USP25: variants seen among roughly 807,000 people sequenced by gnomAD.
USP25 encodes ubiquitin specific peptidase 25, also known as ubiquitin carboxyl-terminal hydrolase 25.
In USP25, 85 loss-of-function variants were observed where a neutral mutation model predicts 158.5. That is an observed-to-expected ratio of 0.54 (90% CI 0.45 to 0.64). The LOEUF (loss-of-function observed/expected upper bound fraction) is 0.64, where lower values mean the gene tolerates loss of function less well. USP25 is among the 30% of genes least tolerant of loss of function. USP25 has a pLI of 0.00. For synonymous variants in USP25, 464 were observed against 460.4 expected, an observed-to-expected ratio of 1.01 and a Z score of -0.10; for missense variants, 1,242 against 1,327.3, an observed-to-expected ratio of 0.94 and a Z score of 1.00.
chr21:15,815,735 G>T (rs1453219697), intron 9 of USP25, among the ~76,000 whole-genome samples: 3 of 152,142 alleles, frequency 2.0e-5, no homozygotes, highest in Non-Finnish European at 2.9e-5. Context: ...AAAAAAATCA[G>T]TCAGTGTTAC....
At chr21:15,830,400 A>G (rs552715738) in intron 14 of USP25, 131 bp from the exon 15 acceptor site, 73 of 620,270 alleles carry the variant, frequency 1.2e-4, no homozygotes, top group Non-Finnish European at 1.9e-4. Flanking sequence ...TCAAATGGTA[A>G]TGTTTTTTAA....
At chr21:15,878,208 T>C (rs2040175317) in intron 25 of USP25, 95 bp from the exon 26 acceptor site, 3 of 1,475,764 alleles carry the variant, frequency 2.0e-6, no homozygotes, top group Non-Finnish European at 9.1e-7. Context: ...GCAATTATCT[T>C]ACCTATTAGA....
In USP25 at chr21:15,879,007, A is replaced by G. The variant is rs1277317373; in HGVS notation, c.*532A>G. The G allele has an allele frequency of 6.6e-6, 1 of 152,596 alleles. No individual in the cohort carries two copies. The highest frequency in any genetic ancestry group is 2.4e-5 in the African/African-American group (1 of 41,436). 9.5% of individuals were successfully genotyped at this position (152,596 alleles called of 1,614,324 possible). A position where few individuals can be genotyped will look rare whatever the true frequency, so the allele number is the denominator to read the frequency against. On this transcript the variant is annotated 3_prime_UTR_variant, in exon 26 of 26. Transcript: ENST00000400183. ...TTAAGATTGGATAGTTAATAGATTA[A>G]TACAATCTTTTAATTCTGCTCTAAT...
chr21:15,785,846 T>TTC (rs2035239585), intron 4 of USP25, among the ~76,000 whole-genome samples: 1 of 151,530 alleles, frequency 6.6e-6, no homozygotes, highest in Non-Finnish European at 1.5e-5. Flanking sequence ...AAAAGAGCAA[T>TTC]TCAAAAGATC....
intron 1 of USP25, among the ~76,000 whole-genome samples, chr21:15,749,043 A>G (rs1446350814): frequency 1.3e-5 from 2 of 151,616 alleles, no homozygotes; most frequent in Non-Finnish European, 2.9e-5. Flanking sequence ...TTCTTAAGCT[A>G]TAGCTCAGTA....
Position 15,766,778 on chromosome 21 carries a change from A to G in USP25, c.268+637A>G, listed in dbSNP as rs187572708. On this transcript the variant is annotated intron_variant, in intron 3 of 25. Transcript: ENST00000400183. This position sits in a 1 kb window ranked among gnomAD's most constrained non-coding sequence, Gnocchi z 4.0. ...TCAAACTATGTTCAGTTACCTTCAT[A>G]TCTCATTATAGTTTAATAATTGTAC... is the stretch of plus-strand genomic sequence containing the variant. 2.2e-3 allele frequency among the ~76,000 whole-genome samples: 333 copies of G among 152,222 alleles called. 5 individuals are homozygous for G. Among genetic ancestry groups the G allele is most frequent in the African/African-American group, 7.8e-3 (323 of 41,564 alleles).
chr21:15,857,726 T>C (rs2039224633), intron 20 of USP25, among the ~76,000 whole-genome samples: 1 of 152,108 alleles, frequency 6.6e-6, no homozygotes, highest in South Asian at 2.1e-4. Flanking sequence ...TTTTTAGATC[T>C]TATAAAATAC....
intron 8 of USP25, among the ~76,000 whole-genome samples, chr21:15,809,415 G>A (rs941774093): frequency 2.6e-5 from 4 of 151,986 alleles, no homozygotes; most frequent in Non-Finnish European, 1.5e-5. Context: ...TTCAAAGTGA[G>A]TAGGAATATC....
chr21:15,772,392 T>G (rs1174262593), intron 3 of USP25, among the ~76,000 whole-genome samples: 1 of 152,200 alleles, frequency 6.6e-6, no homozygotes, highest in South Asian at 2.1e-4. Context: ...TGTAACATGA[T>G]TTTATACAGT....
Position 15,808,894 on chromosome 21 carries a change from C to T in USP25, c.857+9C>T. On this transcript the variant is annotated intron_variant, in intron 8 of 25. Transcript: ENST00000400183. ...AAAGCTGAAGAGGAGACGTAAGTTA[C>T]CGTGAAGTTTAGCAATGGGGTTTTA... is the stretch of plus-strand genomic sequence containing the variant. The T allele has an allele frequency of 6.2e-7, 1 of 1,600,436 alleles. No individual in the cohort carries two copies. The highest frequency in any genetic ancestry group is 1.1e-5 in the South Asian group (1 of 88,640).
At chr21:15,792,740 C>T (rs1174927628) in intron 5 of USP25, among the ~76,000 whole-genome samples, 2 of 151,272 alleles carry the variant, frequency 1.3e-5, no homozygotes, top group East Asian at 1.9e-4. Context: ...CTTTTTGCTT[C>T]TGGTGCATAA....
rs146855340 is a variant in USP25, at chr21:15,831,570, G to C, written c.1934G>C (p.Arg645Thr). ...ELVRDSFGGY[R>T]NASAYCLMYI... ...GTGAGGGACTCTTTTGGTGGTTATAGAAATGCCAGTGCATACTGTTTAATG... is the reference window on the plus strand; with the variant it reads ...GTGAGGGACTCTTTTGGTGGTTATACAAATGCCAGTGCATACTGTTTAATG... The change falls in exon 16 of 26, where the codon AGA becomes ACA. Residue 645 changes from arginine (R) to threonine (T), a missense_variant. Transcript: ENST00000400183. 1 of 1,613,922 alleles carries C rather than the reference G, an allele frequency of 6.2e-7. No individual in the cohort carries two copies. Among genetic ancestry groups the C allele is most frequent in the African/African-American group, 1.3e-5 (1 of 74,922 alleles).
intron 1 of USP25, among the ~76,000 whole-genome samples, chr21:15,747,693 A>G (rs887553525): frequency 1.3e-5 from 2 of 152,172 alleles, no homozygotes; most frequent in African/African-American, 2.4e-5. Flanking sequence ...CAGTGTGGAT[A>G]TGTTGGACAA....
chr21:15,822,987 A>G (rs574257933), intron 10 of USP25, among the ~76,000 whole-genome samples: 1 of 152,028 alleles, frequency 6.6e-6, no homozygotes, highest in Admixed American at 6.5e-5. Context: ...TGCTGTAGAG[A>G]AAAGTAGCAA....
chr21:15,789,804 A>G (rs1007881068), intron 4 of USP25, among the ~76,000 whole-genome samples: 1 of 152,250 alleles, frequency 6.6e-6, no homozygotes, highest in Middle Eastern at 3.4e-3. Context: ...AAAAGGAACA[A>G]AATTTTCAAA....
intron 1 of USP25, among the ~76,000 whole-genome samples, chr21:15,735,443 G>T (rs1184678028): frequency 6.6e-6 from 1 of 151,994 alleles, no homozygotes; most frequent in Non-Finnish European, 1.5e-5. Context: ...AAGTATGCTG[G>T]AGGATGTGTG....
chr21:15,735,578 G>A (rs1008991786), intron 1 of USP25, among the ~76,000 whole-genome samples: 20 of 152,204 alleles, frequency 1.3e-4, no homozygotes, highest in African/African-American at 4.6e-4. Context: ...TGCTTACAAG[G>A]TTTGGTGTGC....
chr21:15,789,975 A>G (rs193260547), intron 4 of USP25, among the ~76,000 whole-genome samples: 246 of 152,088 alleles, frequency 1.6e-3, no homozygotes, highest in Non-Finnish European at 2.8e-3. Context: ...GGTTATTATT[A>G]TTCTGCTGAA....
At chr21:15,864,821 C>T (rs1012084707) in intron 21 of USP25, among the ~76,000 whole-genome samples, 4 of 152,050 alleles carry the variant, frequency 2.6e-5, no homozygotes, top group Non-Finnish European at 5.9e-5. Flanking sequence ...TCCCTCATCT[C>T]TTCGTTAGAT....
Sources: gnomAD v4.1 joint callset for allele counts (sites outside exome capture counted in the v4.1 genomes callset) on GRCh38, gnomAD v4.1.1 for gene constraint, Gnocchi (gnomAD v3.1) non-coding constraint, MANE v1.5 for transcripts, NCBI Gene and HGNC (gene_info 2026-07-23, HGNC 2026-07-21) for gene names.